CASZ1: variants seen among roughly 807,000 people sequenced by gnomAD.
CASZ1 encodes the protein castor zinc finger 1.
CASZ1 carries 28 observed loss-of-function variants against 135.2 expected under a neutral mutation model. The ratio of observed to expected loss-of-function variants is 0.21; its 90% CI spans 0.15 to 0.28. CASZ1 has a LOEUF of 0.28. CASZ1 is among the 10% of genes least tolerant of loss of function. CASZ1 has a pLI of 1.00. For synonymous variants in CASZ1, 1,068 were observed against 1,073.4 expected (o/e 0.99, Z 0.10); for missense variants, 2,161 against 2,453.3 (o/e 0.88, Z 2.52).
chr1:10,662,158 C>T (rs1466627597), intron 5 of CASZ1, among the ~76,000 whole-genome samples: 2 of 152,012 alleles, frequency 1.3e-5, no homozygotes, highest in Non-Finnish European at 2.9e-5. Flanking sequence ...CACCTACACA[C>T]AGTCACAACA....
chr1:10,754,872 A>G (rs1003354299), intron 2 of CASZ1, among the ~76,000 whole-genome samples: 2 of 152,214 alleles, frequency 1.3e-5, no homozygotes, highest in African/African-American at 4.8e-5. Context: ...TACTAAGGGA[A>G]AAAAAAGTCG....
At chr1:10,686,498 G>A (rs1335182386) in intron 4 of CASZ1, among the ~76,000 whole-genome samples, 3 of 152,184 alleles carry the variant, frequency 2.0e-5, no homozygotes, top group African/African-American at 4.8e-5. Flanking sequence ...GCTGGGGACA[G>A]TTCTAAGCCG....
intron 1 of CASZ1, among the ~76,000 whole-genome samples, chr1:10,773,086 G>A (rs944950873): frequency 4.0e-5 from 6 of 151,810 alleles, no homozygotes; most frequent in African/African-American, 7.3e-5. Flanking sequence ...CCGTGTCATC[G>A]AGCACCGGTG....
At chr1:10,692,570 C>G (rs944365510) in intron 4 of CASZ1, among the ~76,000 whole-genome samples, 5 of 152,188 alleles carry the variant, frequency 3.3e-5, no homozygotes, top group Admixed American at 1.3e-4. Flanking sequence ...GTGTCACACC[C>G]TTCCCGGGCG....
Position 10,759,316 on chromosome 1 carries a change from G to A in CASZ1, c.-77+1385C>T, listed in dbSNP as rs992682379. 2.0e-5 allele frequency among the ~76,000 whole-genome samples: 3 copies of A among 152,132 alleles called. No individual in the cohort carries two copies. Among genetic ancestry groups the A allele is most frequent in the African/African-American group, 4.8e-5 (2 of 41,426 alleles). The stretch of plus-strand genomic sequence containing the variant: ...AGGTGGCAGAGGTGCAGGTGCTAAC[G>A]CCAAGCCCAGAAGACTTCAGCGCCA... On this transcript the variant is annotated intron_variant, in intron 2 of 20. Transcript: ENST00000377022. The surrounding 1 kb of genome is among the most constrained non-coding windows in gnomAD (Gnocchi z 4.2).
intron 4 of CASZ1, among the ~76,000 whole-genome samples, chr1:10,667,703 G>A (rs996883336): frequency 3.9e-5 from 6 of 152,196 alleles, no homozygotes; most frequent in African/African-American, 1.4e-4. Context: ...GCAGCCAAGT[G>A]TGGATGGCAG....
Position 10,719,089 on chromosome 1 carries a change from T to TA in CASZ1, c.-76-13546dup, listed in dbSNP as rs888557613. On this transcript the variant is annotated intron_variant, in intron 2 of 20. Coordinates refer to ENST00000377022, the MANE Select transcript of CASZ1 (RefSeq NM_001079843.3). This position sits in a 1 kb window ranked among gnomAD's most constrained non-coding sequence, Gnocchi z 4.0. ...CACCACACCTGGCTAATTTTTTTTT[T>TA]ACTTTTAGTGGAGGTGGGGTTTCCA... 6.6e-6 allele frequency among the ~76,000 whole-genome samples: 1 copy of TA among 152,162 alleles called. No individual in the cohort carries two copies. The highest frequency in any genetic ancestry group is 2.4e-5 in the African/African-American group (1 of 41,434).
At chr1:10,643,093 A>T in intron 19 of CASZ1, 67 bp downstream of exon 19, 1 of 1,596,116 alleles carries the variant, frequency 6.3e-7, no homozygotes, top group Non-Finnish European at 8.6e-7. Flanking sequence ...CAGGCCTGAG[A>T]GTGAGCGTGG....
At chr1:10,665,979 T>C (rs1333410116) in intron 4 of CASZ1, among the ~76,000 whole-genome samples, 1 of 152,170 alleles carries the variant, frequency 6.6e-6, no homozygotes, top group Non-Finnish European at 1.5e-5. Context: ...GAGCCGGCTA[T>C]GCGGTCAGGC....
intron 1 of CASZ1, among the ~76,000 whole-genome samples, chr1:10,779,301 T>TTTA (rs70997265): frequency 1.3e-5 from 2 of 148,562 alleles, no homozygotes; most frequent in African/African-American, 5.0e-5. Context: ...TTTTTTTTTT[T>TTTA]AGCACACTGG....
At chr1:10,673,293 C>T (rs1037289109) in intron 4 of CASZ1, among the ~76,000 whole-genome samples, 11 of 152,146 alleles carry the variant, frequency 7.2e-5, no homozygotes, top group African/African-American at 2.4e-4. Context: ...AATGGGCTGG[C>T]GGAGAGGATC....
intron 3 of CASZ1, among the ~76,000 whole-genome samples, chr1:10,705,129 C>T (rs1047897362): frequency 3.9e-5 from 6 of 152,220 alleles, no homozygotes; most frequent in African/African-American, 1.2e-4. Context: ...AGCCGGCCAC[C>T]GCCACGGAGG....
intron 1 of CASZ1, among the ~76,000 whole-genome samples, chr1:10,792,288 A>T (rs1052470306): frequency 1.6e-5 from 2 of 127,974 alleles, no homozygotes. Flanking sequence ...TTTATTTATG[A>T]AAGCCAAATG....
intron 1 of CASZ1, among the ~76,000 whole-genome samples, chr1:10,769,307 C>G (rs1175603055): frequency 6.6e-6 from 1 of 152,202 alleles, no homozygotes; most frequent in Non-Finnish European, 1.5e-5. Context: ...CAGCCACTGG[C>G]CACATGCGGC....
rs1401181508 is a variant in CASZ1, at chr1:10,639,915, C to G, written c.4307G>C (p.Arg1436Pro). The G allele has an allele frequency of 6.2e-7, 1 of 1,612,804 alleles. No homozygotes were observed. Among genetic ancestry groups the G allele is most frequent in the African/African-American group, 1.3e-5 (1 of 74,954 alleles). ...CTTGCAGTCCTCGTAAAGGTCGAAG[C>G]GCCGGAAGCCCTCCAGCATCATGCC... ...DEGMMLEGFR[R>P]FDLYEDCKDA... The change falls in exon 21 of 21, where the codon CGC becomes CCC. Residue 1436 changes from arginine (R) to proline (P), a missense_variant. By Grantham distance (103) the Arg-to-Pro change is moderately radical (BLOSUM62 -2). Coordinates refer to ENST00000377022, the MANE Select transcript of CASZ1 (RefSeq NM_001079843.3). The surrounding 1 kb of genome is among the most constrained non-coding windows in gnomAD (Gnocchi z 4.0).
Position 10,655,812 on chromosome 1 carries a change from C to T in CASZ1, c.1502G>A (p.Arg501Lys), listed in dbSNP as rs1309757129. The T allele has an allele frequency of 1.2e-6, 2 of 1,613,432 alleles. No homozygotes were observed. Among genetic ancestry groups the T allele is most frequent in the Non-Finnish European group, 1.7e-6 (2 of 1,179,528 alleles). ...HCLDPECNYQ[R>K]FTSKQDVIRH... ...GATCACGTCCTGCTTACTCGTGAACCTCTGCCAGGAGACAGCGCCACGTGG... is the reference window on the plus strand; with the variant it reads ...GATCACGTCCTGCTTACTCGTGAACTTCTGCCAGGAGACAGCGCCACGTGG... Residue 501 changes from arginine to lysine, a missense_variant and splice_region_variant, in exon 9 of 21, where the codon AGG (arginine) becomes AAG (lysine). Physicochemically the swap from Arg to Lys is conservative, Grantham distance 26. Coordinates refer to ENST00000377022, the MANE Select transcript of CASZ1 (RefSeq NM_001079843.3).
intron 2 of CASZ1, among the ~76,000 whole-genome samples, chr1:10,736,324 C>T (rs1362378499): frequency 1.3e-5 from 2 of 152,214 alleles, no homozygotes; most frequent in African/African-American, 4.8e-5. Flanking sequence ...GCATCTGCCA[C>T]CTGGACAAAG....
Position 10,693,122 on chromosome 1 carries a change from G to A in CASZ1, c.16+752C>T, listed in dbSNP as rs530719917. 2.7e-3 allele frequency among the ~76,000 whole-genome samples: 411 copies of A among 152,142 alleles called. 3 individuals are homozygous for A. The highest frequency in any genetic ancestry group is 9.5e-3 in the African/African-American group (395 of 41,490). On this transcript the variant is annotated intron_variant, in intron 4 of 20. Coordinates refer to ENST00000377022, the MANE Select transcript of CASZ1 (RefSeq NM_001079843.3). ...GAGCACCAGGCCTCCTGGAGCCCCCGGCCTTGTCCCACAGGAGGCCCCCAA... is the reference window on the plus strand; with the variant it reads ...GAGCACCAGGCCTCCTGGAGCCCCCAGCCTTGTCCCACAGGAGGCCCCCAA...
At chr1:10,651,106 G>A in intron 11 of CASZ1, 30 bp from the exon 12 acceptor site, 1 of 1,468,712 alleles carries the variant, frequency 6.8e-7, no homozygotes, top group Non-Finnish European at 8.9e-7. Context: ...AGATGCGTCA[G>A]AGGGGCTGAA....
Sources: gnomAD v4.1 joint callset for allele counts (sites outside exome capture counted in the v4.1 genomes callset) on GRCh38, gnomAD v4.1.1 for gene constraint, Gnocchi (gnomAD v3.1) non-coding constraint, MANE v1.5 for transcripts, NCBI Gene and HGNC (gene_info 2026-07-23, HGNC 2026-07-21) for gene names.